Variants in SPEF2 observed in about 807,000 individuals in gnomAD.
SPEF2 encodes sperm flagellar and cilia associated 2.
Under a neutral mutation model 224.6 loss-of-function variants are expected in SPEF2, and 187 were observed. The ratio of observed to expected loss-of-function variants is 0.83; its 90% confidence interval spans 0.74 to 0.94. The LOEUF (loss-of-function observed/expected upper bound fraction) is 0.94, where lower values mean the gene tolerates loss of function less well. SPEF2 is among the 40% of genes least tolerant of loss of function. The pLI is 0.00. For synonymous variants in SPEF2, 715 were observed against 707.3 expected, an observed-to-expected ratio of 1.01 and a Z score of -0.17; for missense variants, 2,170 against 2,135.6, an observed-to-expected ratio of 1.02 and a Z score of -0.32.
Position 35,800,119 on chromosome 5 carries a change from T to C in SPEF2, c.4982T>C (p.Val1661Ala). Residue 1661 changes from valine to alanine, a missense_variant, in exon 34 of 37, where the codon GTC becomes GCC. By Grantham distance (64) the Val-to-Ala change is moderately conservative. Transcript: ENST00000356031. ...GTTGGAACTCATGTCTTCCAACAAG[T>C]CAAAGCTTCCATTCCAAGTGCAGAA... is the stretch of plus-strand genomic sequence containing the variant. ...VAVGTHVFQQ[V>A]KASIPSAEKT... 6.2e-7 allele frequency: 1 copy of C among 1,614,090 alleles called. No homozygotes were observed. Among genetic ancestry groups the C allele is most frequent in the Non-Finnish European group, 8.5e-7 (1 of 1,180,014 alleles).
intron 10 of SPEF2, among the ~76,000 whole-genome samples, chr5:35,684,583 G>A (rs1003125156): frequency 9.9e-5 from 15 of 152,200 alleles, no homozygotes; most frequent in Non-Finnish European, 2.1e-4. Context: ...TCCAGCAGCT[G>A]CCTGAGAACT....
At chr5:35,621,475 G>T (rs1486597010) in intron 1 of SPEF2, among the ~76,000 whole-genome samples, 6 of 152,100 alleles carry the variant, frequency 3.9e-5, no homozygotes, top group Non-Finnish European at 8.8e-5. Context: ...GTCCTATATT[G>T]TACATTAAAG....
intron 24 of SPEF2, 121 bp downstream of exon 24, chr5:35,753,882 C>T (rs936114409): frequency 5.7e-6 from 7 of 1,227,986 alleles, no homozygotes; most frequent in African/African-American, 1.5e-5. Flanking sequence ...TGGTATAGCA[C>T]TATGCCTGGT....
At chr5:35,792,794 A>G (rs1756143675) in intron 31 of SPEF2, among the ~76,000 whole-genome samples, 1 of 152,242 alleles carries the variant, frequency 6.6e-6, no homozygotes. Flanking sequence ...AAGAATGTTC[A>G]GAAAACAAAA....
At chr5:35,777,664 C>CAAATAAATAAAT (rs35899152) in intron 29 of SPEF2, among the ~76,000 whole-genome samples, 4,441 of 143,992 alleles carry the variant, frequency 0.031, 95 homozygotes, top group African/African-American at 0.046. Flanking sequence ...AAATGTGATA[C>CAAATAAATAAAT]AAATAAATAA....
chr5:35,668,073 G>T (rs776290207), intron 9 of SPEF2, among the ~76,000 whole-genome samples: 8 of 152,102 alleles, frequency 5.3e-5, no homozygotes, highest in Non-Finnish European at 1.2e-4. Flanking sequence ...AGGTGAAATG[G>T]TATAGCCCCT....
chr5:35,793,370 A>G, intron 32 of SPEF2, 29 bp downstream of exon 32: 1 of 1,597,176 alleles, frequency 6.3e-7, no homozygotes, highest in South Asian at 1.1e-5. Flanking sequence ...TGGCATTGAT[A>G]ACACCAGAAC....
chr5:35,623,672 A>C (rs911066757), intron 1 of SPEF2, among the ~76,000 whole-genome samples: 1 of 152,198 alleles, frequency 6.6e-6, no homozygotes, highest in Admixed American at 6.5e-5. Context: ...TATCAGGCCT[A>C]AAGAGTGGAC....
intron 18 of SPEF2, among the ~76,000 whole-genome samples, chr5:35,706,363 A>G (rs1297886748): frequency 6.6e-6 from 1 of 151,870 alleles, no homozygotes; most frequent in East Asian, 1.9e-4. Flanking sequence ...GTTTTATCTT[A>G]CCCACATAAA....
intron 9 of SPEF2, among the ~76,000 whole-genome samples, chr5:35,669,117 T>G (rs1298017694): frequency 2.6e-5 from 4 of 152,132 alleles, no homozygotes; most frequent in Non-Finnish European, 2.9e-5. Context: ...TCCTACTTGA[T>G]GTCTCTGAAT....
chr5:35,716,603 TA>T (rs1742630203), intron 20 of SPEF2, among the ~76,000 whole-genome samples: 1 of 152,182 alleles, frequency 6.6e-6, no homozygotes, highest in Non-Finnish European at 1.5e-5. Context: ...GACTTCCAAA[TA>T]TTTTTTGCTT....
rs534541471 is a variant in SPEF2, at chr5:35,722,534, G to T, written c.2915-5141G>T. ...GTTTTAGGGTACATGTGCACATTATGCAGGTTAGTTACATATGTATACATG... is the reference window on the plus strand; with the variant it reads ...GTTTTAGGGTACATGTGCACATTATTCAGGTTAGTTACATATGTATACATG... On this transcript the variant is annotated intron_variant, in intron 20 of 36. Transcript: ENST00000356031. 4.0e-3 allele frequency among the ~76,000 whole-genome samples: 563 copies of T among 141,386 alleles called. 4 individuals carry two copies. The highest frequency in any genetic ancestry group is 0.015 in the African/African-American group (552 of 37,878). 92.8% of individuals were successfully genotyped at this position (141,386 alleles called of 152,430 possible).
chr5:35,629,317 TAATTTTTTTTC>T (rs772839882), intron 2 of SPEF2, among the ~76,000 whole-genome samples: 1 of 151,786 alleles, frequency 6.6e-6, no homozygotes, highest in Non-Finnish European at 1.5e-5. Context: ...CCAGCCTGGC[TAATTTTTTTTC>T]TATTTTTTTT....
In SPEF2 at chr5:35,709,046, C is replaced by T; in HGVS notation, c.2764C>T (p.Pro922Ser). ...PTPPPAPPPE[P>S]EKEKEIHQSH... ...ACCTCCTCCTGCTCCTCCTCCTGAA[C>T]CAGAAAAAGAGAAGGAAATTCATCA... The change falls in exon 19 of 37, where the codon CCA becomes TCA. Residue 922 changes from proline to serine, a missense_variant. Physicochemically the swap from Pro to Ser is moderately conservative, Grantham distance 74 (BLOSUM62 -1). Coordinates refer to ENST00000356031, the MANE Select transcript of SPEF2 (RefSeq NM_024867.4). The T allele has an allele frequency of 1.9e-6, 3 of 1,613,890 alleles. No homozygotes were observed. The highest frequency in any genetic ancestry group is 1.7e-6 in the Non-Finnish European group (2 of 1,179,944).
intron 20 of SPEF2, among the ~76,000 whole-genome samples, chr5:35,726,065 G>T (rs748094135): frequency 6.6e-6 from 1 of 152,172 alleles, no homozygotes; most frequent in Non-Finnish European, 1.5e-5. Context: ...CATTTAAGAT[G>T]TTGATAAAGA....
chr5:35,737,122 CTTT>C (rs963057045), intron 21 of SPEF2, among the ~76,000 whole-genome samples: 1 of 151,372 alleles, frequency 6.6e-6, no homozygotes, highest in African/African-American at 2.4e-5. Flanking sequence ...TTAACAATTT[CTTT>C]TTTTTTGTCA....
chr5:35,776,198 C>G, intron 28 of SPEF2, 59 bp from the exon 29 acceptor site: 3 of 1,520,882 alleles, frequency 2.0e-6, no homozygotes, highest in Non-Finnish European at 2.7e-6. Flanking sequence ...TGAATCTGTT[C>G]ATTAGTAAAT....
In SPEF2 at chr5:35,641,312, T is replaced by C. The variant is rs561106820; in HGVS notation, c.162-119T>C. On this transcript the variant is annotated intron_variant, in intron 2 of 36. Transcript: ENST00000356031. The stretch of plus-strand genomic sequence containing the variant: ...TTAGAGTGGTTTTAGAGAGGAATGA[T>C]ACAGCTAAAAGGACATGAAATAATT... 7 of 1,185,142 alleles carry C rather than the reference T, an allele frequency of 5.9e-6. No individual in the cohort carries two copies. The South Asian group carries it at 8.0e-5, about 13-fold the overall frequency. 73.4% of individuals were successfully genotyped at this position (1,185,142 alleles called of 1,614,324 possible).
At chr5:35,652,319 T>C (rs1748311684) in intron 6 of SPEF2, among the ~76,000 whole-genome samples, 1 of 152,190 alleles carries the variant, frequency 6.6e-6, no homozygotes, top group Non-Finnish European at 1.5e-5. Context: ...TTGAGAGAGC[T>C]ATTAACCCAC....
Sources: allele counts gnomAD v4.1 joint callset (sites outside exome capture counted in the v4.1 genomes callset), GRCh38; gene constraint gnomAD v4.1.1; transcripts MANE v1.5; gene names NCBI Gene and HGNC (gene_info 2026-07-23, HGNC 2026-07-21).